RBFOX3: variants seen among roughly 807,000 people sequenced by gnomAD.
RBFOX3 encodes RNA binding fox-1 homolog 3.
Under a neutral mutation model 48.7 loss-of-function variants are expected in RBFOX3, and 17 were observed. That is an observed-to-expected ratio of 0.35 (90% confidence interval 0.24 to 0.52). The LOEUF is 0.52. Among genes scored for constraint, RBFOX3 ranks in the 20% least tolerant of loss-of-function variants. RBFOX3 has a pLI of 0.94. For synonymous variants in RBFOX3, 212 were observed against 209.5 expected (o/e 1.01, Z -0.10); for missense variants, 382 against 497.5 (o/e 0.77, Z 2.21).
chr17:79,295,108 C>T (rs143135638), intron 3 of RBFOX3, among the ~76,000 whole-genome samples: 64 of 152,144 alleles, frequency 4.2e-4, no homozygotes, highest in Admixed American at 4.1e-3. Flanking sequence ...TGAGAGAAGA[C>T]GGCCACAGGG....
intron 4 of RBFOX3, among the ~76,000 whole-genome samples, chr17:79,131,431 G>A (rs549406077): frequency 5.6e-4 from 85 of 152,282 alleles, no homozygotes; most frequent in African/African-American, 1.9e-3. Context: ...ACCCACAGAC[G>A]CGGCTGCAAA....
chr17:79,625,301 C>T, the RBFOX3 span, among the ~76,000 whole-genome samples: 3 of 152,156 alleles, frequency 2.0e-5, no homozygotes, highest in Non-Finnish European at 4.4e-5. Context: ...CCCTCAGCAC[C>T]ATTCCCCAGA....
At chr17:79,637,085 C>A in the RBFOX3 span, among the ~76,000 whole-genome samples, 3 of 152,132 alleles carry the variant, frequency 2.0e-5, no homozygotes, top group Admixed American at 2.0e-4. Flanking sequence ...ATAAAAGGGT[C>A]ATTTCTACAA....
intron 2 of RBFOX3, among the ~76,000 whole-genome samples, chr17:79,350,395 G>C (rs1274622516): frequency 1.3e-5 from 2 of 152,196 alleles, no homozygotes; most frequent in Non-Finnish European, 2.9e-5. Context: ...CCCTTCTCCT[G>C]GGGGGACCCT....
chr17:79,383,982 A>T (rs2060254703), intron 2 of RBFOX3, among the ~76,000 whole-genome samples: 1 of 152,104 alleles, frequency 6.6e-6, no homozygotes, highest in Admixed American at 6.5e-5. Context: ...CAGGGTTTGG[A>T]CCCAAAGCCA....
intron 2 of RBFOX3, among the ~76,000 whole-genome samples, chr17:79,322,691 C>G (rs900018679): frequency 6.6e-6 from 1 of 152,136 alleles, no homozygotes; most frequent in Non-Finnish European, 1.5e-5. Context: ...GAGGACGGAC[C>G]AAGCAGCTTC....
rs2071575559 is a variant in RBFOX3, at chr17:79,443,441, G to A, written c.-175+39013C>T. On this transcript the variant is annotated intron_variant, in intron 2 of 14. Transcript: ENST00000693108. The surrounding 1 kb of genome is among the most constrained non-coding windows in gnomAD (Gnocchi z 4.4). ...CTGTCGCCCAGGCTGGAGTGCAGTG[G>A]CTCGATCTCGGCTCGCTGCAACCTC... 6.6e-6 allele frequency among the ~76,000 whole-genome samples: 1 copy of A among 152,038 alleles called. No homozygotes were observed. Among genetic ancestry groups the A allele is most frequent in the Non-Finnish European group, 1.5e-5 (1 of 67,994 alleles).
chr17:79,163,036 G>C (rs2047283610), intron 4 of RBFOX3, among the ~76,000 whole-genome samples: 1 of 152,190 alleles, frequency 6.6e-6, no homozygotes, highest in Non-Finnish European at 1.5e-5. Flanking sequence ...GGGGGAGAGA[G>C]GGTGACGGCG....
At chr17:79,329,955 A>G (rs1296967107) in intron 2 of RBFOX3, among the ~76,000 whole-genome samples, 2 of 152,134 alleles carry the variant, frequency 1.3e-5, no homozygotes, top group Admixed American at 1.3e-4. Context: ...TCATCCCAGG[A>G]GCACCTCTGT....
intron 3 of RBFOX3, among the ~76,000 whole-genome samples, chr17:79,293,613 T>C (rs573816789): frequency 2.0e-5 from 3 of 152,004 alleles, no homozygotes; most frequent in African/African-American, 7.2e-5. Flanking sequence ...CCACCATGCC[T>C]GGCTAATTTT....
chr17:79,349,084 G>T (rs1283648581), intron 2 of RBFOX3, among the ~76,000 whole-genome samples: 2 of 151,926 alleles, frequency 1.3e-5, no homozygotes, highest in Non-Finnish European at 2.9e-5. Context: ...AGTAAGTTCT[G>T]TCTCCAAAAT....
chr17:79,178,443 T>C (rs2051102647), intron 4 of RBFOX3, among the ~76,000 whole-genome samples: 1 of 152,314 alleles, frequency 6.6e-6, no homozygotes, highest in African/African-American at 2.4e-5. Flanking sequence ...GAATCTTCGT[T>C]GTTCAGGAGA....
At chr17:79,547,399 G>A (rs1414855661) in intron 1 of RBFOX3, among the ~76,000 whole-genome samples, 14 of 152,172 alleles carry the variant, frequency 9.2e-5, no homozygotes, top group Admixed American at 9.2e-4. Flanking sequence ...AGGTTGCAGT[G>A]AGCCAAGATT....
rs904078738 is a variant in RBFOX3 at position 79,477,097 on chromosome 17, G to A, written c.-175+5357C>T. 1.5e-4 allele frequency among the ~76,000 whole-genome samples: 22 copies of A among 151,674 alleles called. No individual in the cohort carries two copies. Among genetic ancestry groups the A allele is most frequent in the African/African-American group, 5.3e-4 (22 of 41,346 alleles). ...AAAATACAAAAATTAGCCAGGCGTG[G>A]TGGTGGGCGCCTGTAATCCCAGTTA... On this transcript the variant is annotated intron_variant, in intron 2 of 14. Transcript: ENST00000693108. The surrounding 1 kb of genome is among the most constrained non-coding windows in gnomAD (Gnocchi z 4.8).
At chr17:79,347,766 T>C (rs1426353592) in intron 2 of RBFOX3, among the ~76,000 whole-genome samples, 1 of 152,162 alleles carries the variant, frequency 6.6e-6, no homozygotes, top group African/African-American at 2.4e-5. Flanking sequence ...ATTTAGGAGG[T>C]TTATTAAGCT....
intron 4 of RBFOX3, among the ~76,000 whole-genome samples, chr17:79,150,262 T>TG (rs1174494345): frequency 6.6e-6 from 1 of 151,350 alleles, no homozygotes; most frequent in Non-Finnish European, 1.5e-5. Context: ...CAAAGCCTCG[T>TG]GGGGGGTCCT....
chr17:79,408,353 C>T (rs867400434), intron 2 of RBFOX3, among the ~76,000 whole-genome samples: 21 of 152,072 alleles, frequency 1.4e-4, no homozygotes, highest in African/African-American at 4.6e-4. Context: ...GCTATGAGGT[C>T]AAAGATGAGG....
chr17:79,356,919 G>A (rs947685562), intron 2 of RBFOX3, among the ~76,000 whole-genome samples: 2 of 152,140 alleles, frequency 1.3e-5, no homozygotes, highest in African/African-American at 4.8e-5. Flanking sequence ...GCTCCTGTCG[G>A]GCTGAGCCTC....
chr17:79,234,262 G>A (rs187870541), intron 4 of RBFOX3: 2 of 152,438 alleles, frequency 1.3e-5, no homozygotes, highest in South Asian at 2.1e-4. Flanking sequence ...AGCAGAGCCC[G>A]AGCTGCCTCT....
Sources: allele counts gnomAD v4.1 joint callset (sites outside exome capture counted in the v4.1 genomes callset), GRCh38; gene constraint gnomAD v4.1.1; non-coding constraint Gnocchi (gnomAD v3.1); transcripts MANE v1.5; gene names NCBI Gene and HGNC (gene_info 2026-07-23, HGNC 2026-07-21).